The following GPC5 variants were observed in gnomAD, a reference collection of about 807,000 sequenced individuals.
GPC5 encodes the protein glypican-5.
Under a neutral mutation model 53.9 loss-of-function variants are expected in GPC5, and 47 were observed. The observed-to-expected ratio is 0.87, with a 90% CI of 0.69 to 1.11. The LOEUF is 1.11. Among genes scored for constraint, GPC5 ranks in the 50% most tolerant of loss-of-function variants. The pLI, the probability that GPC5 is intolerant of heterozygous loss-of-function variation, is 0.00. For missense variants in GPC5, 748 were observed against 713.1 expected, an observed-to-expected ratio of 1.05 and a Z score of -0.56; for synonymous variants, 286 against 263.3, an observed-to-expected ratio of 1.09 and a Z score of -0.84.
intron 7 of GPC5, among the ~76,000 whole-genome samples, chr13:92,585,963 G>A (rs61975862): frequency 1.3e-5 from 2 of 152,016 alleles, no homozygotes; most frequent in Admixed American, 1.3e-4. Flanking sequence ...TCTTTCTTTT[G>A]TAAATTGCCC....
Position 91,908,060 on chromosome 13 carries a change from A to G in GPC5, c.1401+3A>G. ...ATAAACTGAAGCATGTTGTTCAGGTAAGTCCTGATCCTATATTTATTAGTA... is the reference window on the plus strand; with the variant it reads ...ATAAACTGAAGCATGTTGTTCAGGTGAGTCCTGATCCTATATTTATTAGTA... On this transcript the variant is annotated splice_donor_region_variant and intron_variant, in intron 6 of 7. Transcript: ENST00000377067. 6.4e-7 allele frequency: 1 copy of G among 1,561,526 alleles called. No individual in the cohort carries two copies. The highest frequency in any genetic ancestry group is 8.6e-7 in the Non-Finnish European group (1 of 1,161,380).
chr13:91,815,869 T>C (rs2038391509), intron 5 of GPC5, among the ~76,000 whole-genome samples: 1 of 152,214 alleles, frequency 6.6e-6, no homozygotes, highest in South Asian at 2.1e-4. Flanking sequence ...CTTTCTTCTT[T>C]GTTTACTCCT....
At chr13:92,680,245 A>G (rs1242361699) in intron 7 of GPC5, among the ~76,000 whole-genome samples, 1 of 152,190 alleles carries the variant, frequency 6.6e-6, no homozygotes, top group East Asian at 1.9e-4. Context: ...TGTTACTCTT[A>G]TATCAAAATC....
chr13:92,629,238 C>G (rs1162579000), intron 7 of GPC5, among the ~76,000 whole-genome samples: 1 of 152,184 alleles, frequency 6.6e-6, no homozygotes, highest in Non-Finnish European at 1.5e-5. Context: ...ACAAAGGCAA[C>G]CTATAGTAGC....
chr13:92,503,726 T>C (rs1490587805), intron 7 of GPC5, among the ~76,000 whole-genome samples: 1 of 151,872 alleles, frequency 6.6e-6, no homozygotes, highest in East Asian at 1.9e-4. Context: ...ACAATAAGTC[T>C]GTATCACAAA....
intron 7 of GPC5, among the ~76,000 whole-genome samples, chr13:92,834,818 G>A (rs573027221): frequency 1.2e-3 from 185 of 152,188 alleles, no homozygotes; most frequent in Non-Finnish European, 2.1e-3. Flanking sequence ...GCCACTAAGG[G>A]CCATAGTGTA....
intron 7 of GPC5, among the ~76,000 whole-genome samples, chr13:92,696,142 G>T (rs933444827): frequency 1.3e-5 from 2 of 152,116 alleles, no homozygotes; most frequent in Non-Finnish European, 2.9e-5. Context: ...ATTGTGAACA[G>T]TGCCACAATT....
At chr13:92,541,157 A>G (rs755574283) in intron 7 of GPC5, among the ~76,000 whole-genome samples, 1 of 151,846 alleles carries the variant, frequency 6.6e-6, no homozygotes, top group Non-Finnish European at 1.5e-5. Flanking sequence ...GAAAAAATGT[A>G]AAAAATCTTT....
At chr13:91,436,546 G>A in intron 1 of GPC5, among the ~76,000 whole-genome samples, 1 of 152,230 alleles carries the variant, frequency 6.6e-6, no homozygotes, top group East Asian at 1.9e-4. Context: ...ACTGTGGTCT[G>A]AGAGACAGTT....
At chr13:91,478,881 T>TTTTATATATATATATATATATA (rs562726720) in intron 2 of GPC5, among the ~76,000 whole-genome samples, 1 of 67,500 alleles carries the variant, frequency 1.5e-5, no homozygotes, top group African/African-American at 6.6e-5. Flanking sequence ...TATATACACA[T>TTTTATATATATATATATATATA]TATATATATA....
intron 2 of GPC5, among the ~76,000 whole-genome samples, chr13:91,487,235 A>G (rs1883661199): frequency 6.6e-6 from 1 of 152,190 alleles, no homozygotes; most frequent in Non-Finnish European, 1.5e-5. Context: ...CGATGCTTAT[A>G]TACTCTTCTT....
At chr13:92,756,639 G>A (rs1874889150) in intron 7 of GPC5, among the ~76,000 whole-genome samples, 2 of 144,562 alleles carry the variant, frequency 1.4e-5, no homozygotes, top group South Asian at 2.3e-4. Flanking sequence ...AAAGTCTCAG[G>A]ATACAAAATC....
At chr13:91,420,478 T>A (rs887237278) in intron 1 of GPC5, among the ~76,000 whole-genome samples, 1 of 152,228 alleles carries the variant, frequency 6.6e-6, no homozygotes, top group Non-Finnish European at 1.5e-5. Context: ...ATTCTTTTTT[T>A]ATTTTATTTC....
intron 7 of GPC5, chr13:92,180,792 A>G (rs1400228084): frequency 8.8e-6 from 2 of 227,874 alleles, no homozygotes; most frequent in East Asian, 1.4e-4. Flanking sequence ...CCATCTTTCA[A>G]TTTTCTTGTT....
chr13:91,434,369 A>G lies in GPC5; in HGVS notation c.164-14392A>G, dbSNP rs9583929. Among the ~76,000 whole-genome samples the G allele has an allele frequency of 8.8e-3, 1,332 of 152,006 alleles. 22 individuals carry two copies. Among genetic ancestry groups the G allele is most frequent in the South Asian group, 0.079 (381 of 4,798 alleles). Reference sequence around the variant, plus strand: ...TTAAGTCTTTAATCCATCTTGAATTAATTTTTGTATAAGGTGTAAGGAAGG... The same window carrying G: ...TTAAGTCTTTAATCCATCTTGAATTGATTTTTGTATAAGGTGTAAGGAAGG... On this transcript the variant is annotated intron_variant, in intron 1 of 7. Transcript: ENST00000377067.
intron 5 of GPC5, among the ~76,000 whole-genome samples, chr13:91,787,772 A>G (rs559243090): frequency 4.6e-5 from 7 of 152,346 alleles, no homozygotes; most frequent in East Asian, 3.9e-4. Context: ...TGAAAAAGGT[A>G]GAGATGCAAT....
chr13:91,449,158 G>A (rs1325656863), intron 2 of GPC5, among the ~76,000 whole-genome samples: 9 of 152,058 alleles, frequency 5.9e-5, no homozygotes, highest in African/African-American at 1.4e-4. Flanking sequence ...TGAAATGATC[G>A]TTGGAAATAT....
intron 7 of GPC5, among the ~76,000 whole-genome samples, chr13:92,185,878 C>T (rs905672640): frequency 6.6e-6 from 1 of 152,026 alleles, no homozygotes; most frequent in African/African-American, 2.4e-5. Flanking sequence ...ATAAAGCAAG[C>T]ATCATTGTTT....
chr13:91,987,525 T>A (rs968408200), intron 6 of GPC5, among the ~76,000 whole-genome samples: 2 of 152,066 alleles, frequency 1.3e-5, no homozygotes, highest in Non-Finnish European at 2.9e-5. Flanking sequence ...GTTGCTTTTT[T>A]ATATGCATTT....
Sources: gnomAD v4.1 joint callset for allele counts (sites outside exome capture counted in the v4.1 genomes callset) on GRCh38, gnomAD v4.1.1 for gene constraint, MANE v1.5 for transcripts, NCBI Gene and HGNC (gene_info 2026-07-23, HGNC 2026-07-21) for gene names.